The following XPNPEP1 variants were observed in gnomAD, a reference collection of about 807,000 sequenced individuals.
The protein encoded by XPNPEP1 is xaa-Pro aminopeptidase 1.
Under a neutral mutation model 92.4 loss-of-function variants are expected in XPNPEP1, and 39 were observed. The observed-to-expected ratio is 0.42, with a 90% CI of 0.33 to 0.55. The LOEUF is 0.55. Ranked by LOEUF, XPNPEP1 falls within the 20% of genes least tolerant of loss-of-function variation. XPNPEP1 has a pLI of 0.08. For missense variants in XPNPEP1, 654 were observed against 856.1 expected, an observed-to-expected ratio of 0.76 and a Z score of 2.95; for synonymous variants, 307 against 299.4, an observed-to-expected ratio of 1.03 and a Z score of -0.26.
intron 9 of XPNPEP1, 50 bp downstream of exon 9, chr10:109,884,017 G>T (rs1848251007): frequency 6.4e-7 from 1 of 1,568,712 alleles, no homozygotes; most frequent in Non-Finnish European, 8.7e-7. Flanking sequence ...GGCACACTAG[G>T]GCTCTGAGGA....
chr10:109,919,033 T>G (rs113248309), intron 1 of XPNPEP1, among the ~76,000 whole-genome samples: 1 of 152,138 alleles, frequency 6.6e-6, no homozygotes, highest in East Asian at 1.9e-4. Flanking sequence ...GGCGCTAAAC[T>G]GTAAAACTCT....
Position 109,869,888 on chromosome 10 carries a change from T to C in XPNPEP1, c.1773+65A>G, listed in dbSNP as rs192534148. On this transcript the variant is annotated intron_variant, in intron 19 of 20. Coordinates refer to ENST00000502935, the MANE Select transcript of XPNPEP1 (RefSeq NM_020383.4). The stretch of plus-strand genomic sequence containing the variant: ...TGCGCAGTGGCAGTATTGTAGCCAA[T>C]GAGGTCTATCCGAGGCGTGATTATT... The C allele has an allele frequency of 3.9e-3, 5,951 of 1,519,034 alleles. 32 individuals carry two copies. The highest frequency in any genetic ancestry group is 3.9e-3 in the Non-Finnish European group (4,334 of 1,098,824). The allele number at this position is 1,519,034 out of a possible 1,614,324, so 94.1% of individuals were successfully genotyped here.
At chr10:109,921,781 C>G (rs895982851) in intron 1 of XPNPEP1, among the ~76,000 whole-genome samples, 1 of 152,186 alleles carries the variant, frequency 6.6e-6, no homozygotes, top group Non-Finnish European at 1.5e-5. Context: ...CTAACAGGCT[C>G]TGGGACCCAA....
chr10:109,870,763 T>C lies in XPNPEP1; in HGVS notation c.1664A>G (p.Glu555Gly). Reference protein sequence around the residue: ...CGISYKTFSDEPLEAGMIVTD... With the variant: ...CGISYKTFSDGPLEAGMIVTD... Reference sequence around the variant, plus strand: ...GACAATCATGCCTGCCTCCAAGGGCTCATCAGAGAATGTTTTGTAACTGAT... The same window carrying C: ...GACAATCATGCCTGCCTCCAAGGGCCCATCAGAGAATGTTTTGTAACTGAT... Residue 555 changes from glutamate to glycine, a missense_variant, in exon 18 of 21, where the codon GAG becomes GGG. Physicochemically the swap from Glu to Gly is moderately conservative, Grantham distance 98. Coordinates refer to ENST00000502935, the MANE Select transcript of XPNPEP1 (RefSeq NM_020383.4). 1 of 1,614,124 alleles carries C rather than the reference T, an allele frequency of 6.2e-7. No individual in the cohort carries two copies. Among genetic ancestry groups the C allele is most frequent in the South Asian group, 1.1e-5 (1 of 91,074 alleles).
At chr10:109,921,586 C>T (rs1459920531) in intron 1 of XPNPEP1, among the ~76,000 whole-genome samples, 2 of 152,210 alleles carry the variant, frequency 1.3e-5, no homozygotes, top group Admixed American at 1.3e-4. Flanking sequence ...GAACAAGATG[C>T]TCAATCACAC....
chr10:109,878,150 C>T (rs991798258), intron 12 of XPNPEP1, 92 bp from the exon 13 acceptor site: 1 of 1,464,326 alleles, frequency 6.8e-7, no homozygotes, highest in African/African-American at 1.4e-5. Flanking sequence ...CTCACTTTTT[C>T]CTCAATTGCT....
intron 3 of XPNPEP1, among the ~76,000 whole-genome samples, chr10:109,900,024 C>T (rs7070422): frequency 0.014 from 2,189 of 152,338 alleles, 58 homozygotes; most frequent in African/African-American, 0.048. Context: ...ATTAATACAA[C>T]AACCCTAATA....
chr10:109,906,999 T>A (rs1849591842), intron 3 of XPNPEP1, among the ~76,000 whole-genome samples: 1 of 152,178 alleles, frequency 6.6e-6, no homozygotes, highest in African/African-American at 2.4e-5. Flanking sequence ...ACATCTAAAC[T>A]CCATTATTAA....
Position 109,865,133 on chromosome 10 carries a change from T to G in XPNPEP1, c.*51A>C. The G allele has an allele frequency of 1.9e-6, 3 of 1,608,660 alleles. No individual in the cohort carries two copies. The South Asian group carries it at 3.3e-5, about 18-fold the overall frequency. ...GAAAGATGTCAGGGATCTGCCACGT[T>G]TCTTCCTTCCTCCAGAGCATTTTAC... On this transcript the variant is annotated 3_prime_UTR_variant, in exon 21 of 21. Coordinates refer to ENST00000502935, the MANE Select transcript of XPNPEP1 (RefSeq NM_020383.4).
chr10:109,922,033 A>T (rs1282942625), intron 1 of XPNPEP1, among the ~76,000 whole-genome samples: 1 of 152,204 alleles, frequency 6.6e-6, no homozygotes, highest in East Asian at 1.9e-4. Context: ...TCTGAAGCCA[A>T]TGTTGGTGGT....
At position 109,873,404 on chromosome 10, in the gene XPNPEP1, C is replaced by T. The variant is rs201456347; in HGVS notation, c.1415G>A (p.Arg472Gln). The T allele has an allele frequency of 6.2e-7, 1 of 1,614,094 alleles. No homozygotes were observed. Among genetic ancestry groups the T allele is most frequent in the East Asian group, 2.2e-5 (1 of 44,886 alleles). Residue 472 changes from arginine (R) to glutamine (Q), a missense_variant, in exon 16 of 21, where the codon CGG becomes CAG. Coordinates refer to ENST00000502935, the MANE Select transcript of XPNPEP1 (RefSeq NM_020383.4). ...TGTAGGGGTCCCAAAATGCATTGTCCGCGTCACATCTGTGGTGCCATCCCT... is the reference window on the plus strand; with the variant it reads ...TGTAGGGGTCCCAAAATGCATTGTCTGCGTCACATCTGTGGTGCCATCCCT... ...QYKDGTTDVT[R>Q]TMHFGTPTAY... is the part of the protein sequence containing the mutation.
intron 3 of XPNPEP1, among the ~76,000 whole-genome samples, chr10:109,902,027 T>C (rs767850215): frequency 3.3e-5 from 5 of 152,250 alleles, no homozygotes; most frequent in African/African-American, 7.2e-5. Context: ...TATGAGAACA[T>C]TGAATATTAC....
At chr10:109,909,520 C>G (rs1418486001) in intron 2 of XPNPEP1, among the ~76,000 whole-genome samples, 1 of 152,186 alleles carries the variant, frequency 6.6e-6, no homozygotes, top group East Asian at 1.9e-4. Flanking sequence ...GTCTCTTGTA[C>G]TCACTTAGTG....
At chr10:109,883,868 T>C (rs186037428) in intron 9 of XPNPEP1, 199 bp downstream of exon 9, 2 of 521,544 alleles carry the variant, frequency 3.8e-6, no homozygotes, top group South Asian at 3.0e-5. Context: ...TCAAACCATT[T>C]TGGGGGCTCA....
rs577562213 is a variant in XPNPEP1 at position 109,903,194 on chromosome 10, C to G, written c.246+4497G>C. On this transcript the variant is annotated intron_variant, in intron 3 of 20. Coordinates refer to ENST00000502935, the MANE Select transcript of XPNPEP1 (RefSeq NM_020383.4). ...GAAAACTGAAATTGAAATACAAACACTACAAAGCTTCCAACACACCCTTAA... is the reference window on the plus strand; with the variant it reads ...GAAAACTGAAATTGAAATACAAACAGTACAAAGCTTCCAACACACCCTTAA... 1.8e-4 allele frequency among the ~76,000 whole-genome samples: 28 copies of G among 152,300 alleles called. No individual in the cohort carries two copies. In the South Asian group the frequency reaches 5.4e-3, roughly 29 times the overall value.
chr10:109,870,227 A>C (rs1413370162), intron 18 of XPNPEP1, among the ~76,000 whole-genome samples, 198 bp from the exon 19 acceptor site: 1 of 152,224 alleles, frequency 6.6e-6, no homozygotes, highest in Non-Finnish European at 1.5e-5. Flanking sequence ...GAGGTGCAGA[A>C]AGCTAGACTC....
intron 5 of XPNPEP1, among the ~76,000 whole-genome samples, chr10:109,888,982 G>T (rs1848557718): frequency 6.6e-6 from 1 of 152,170 alleles, no homozygotes; most frequent in South Asian, 2.1e-4. Flanking sequence ...CAGTGATTTG[G>T]TGAAGTCTGG....
chr10:109,905,817 T>C (rs1054951577), intron 3 of XPNPEP1, among the ~76,000 whole-genome samples: 2 of 152,232 alleles, frequency 1.3e-5, no homozygotes, highest in African/African-American at 4.8e-5. Flanking sequence ...ACAACAGGAA[T>C]ACTGAAGAAC....
chr10:109,886,144 C>T (rs1047664758), intron 8 of XPNPEP1, 102 bp downstream of exon 8: 1 of 1,160,922 alleles, frequency 8.6e-7, no homozygotes, highest in Non-Finnish European at 1.3e-6. Flanking sequence ...TCTTCTTATT[C>T]CCTGGCCACT....
Sources: gnomAD v4.1 joint callset for allele counts (sites outside exome capture counted in the v4.1 genomes callset) on GRCh38, gnomAD v4.1.1 for gene constraint, MANE v1.5 for transcripts, NCBI Gene and HGNC (gene_info 2026-07-23, HGNC 2026-07-21) for gene names.